The following CAPS2 variants were observed in gnomAD, a reference collection of about 807,000 sequenced individuals.
CAPS2 encodes calcyphosine 2, also known as calcyphosin-2.
A neutral mutation model predicts 86.5 loss-of-function variants in CAPS2; 98 were observed. The ratio of observed to expected loss-of-function variants is 1.13; its 90% CI spans 0.96 to 1.34. The LOEUF (loss-of-function observed/expected upper bound fraction) is 1.34. Ranked by LOEUF, CAPS2 falls within the 40% of genes most tolerant of loss-of-function variation. The pLI, the probability that CAPS2 is intolerant of heterozygous loss-of-function variation, is 0.00. For missense variants in CAPS2, 729 were observed against 686.8 expected (o/e 1.06, Z -0.69); for synonymous variants, 210 against 225.1 (o/e 0.93, Z 0.60).
rs1168283988 is a variant in CAPS2, at chr12:75,298,781, C to A, written c.951-1G>T. The A allele has an allele frequency of 1.9e-6, 3 of 1,611,662 alleles. No homozygotes were observed. Among genetic ancestry groups the A allele is most frequent in the South Asian group, 1.1e-5 (1 of 90,998 alleles). Reference sequence around the variant, plus strand: ...TTGAATAAAAGGAAGCACATTTGTTCTAGAAAGTAAATGAAAAAAAAATGG... The same window carrying A: ...TTGAATAAAAGGAAGCACATTTGTTATAGAAAGTAAATGAAAAAAAAATGG... On this transcript the variant is annotated splice_acceptor_variant, in intron 10 of 16. Transcript: ENST00000393284. LOFTEE classifies it high-confidence loss of function.
intron 1 of CAPS2, chr12:75,366,901 C>G (rs1249510126): frequency 1.4e-6 from 1 of 701,764 alleles, no homozygotes; most frequent in Admixed American, 2.0e-5. Context: ...TGTAGGGCCA[C>G]TGCATGTCAA....
In CAPS2 at chr12:75,366,856, T is replaced by C. The variant is rs1038949939; in HGVS notation, c.-395+23982A>G. ...AACAGCTCTATATGCATTTCTTGAA[T>C]GAGTCTTTTAAAACTAATTTTGTTG... On this transcript the variant is annotated intron_variant, in intron 1 of 5. Coordinates refer to the CAPS2 transcript ENST00000551829. The C allele has an allele frequency of 2.9e-5, 20 of 700,908 alleles. 1 individual carries two copies. Among genetic ancestry groups the C allele is most frequent in the Middle Eastern group, 2.5e-4 (1 of 4,050 alleles). The allele number at this position is 700,908 out of a possible 1,614,324, so 43.4% of individuals were successfully genotyped here.
intron 14 of CAPS2, among the ~76,000 whole-genome samples, 171 bp downstream of exon 14, chr12:75,289,450 G>A (rs1232502008): frequency 1.3e-5 from 2 of 152,194 alleles, no homozygotes; most frequent in Non-Finnish European, 2.9e-5. Flanking sequence ...ATAGGATGGA[G>A]CAATGTTTAA....
At position 75,323,163 on chromosome 12, in the gene CAPS2, T is replaced by C. The variant is rs1323899060; in HGVS notation, c.177+14A>G. Reference sequence around the variant, plus strand: ...TTTTAATGTTTATTATATTAAATACTAAATAAAAATTACCTCATCATCAGA... The same window carrying C: ...TTTTAATGTTTATTATATTAAATACCAAATAAAAATTACCTCATCATCAGA... On this transcript the variant is annotated intron_variant, in intron 3 of 16. Coordinates refer to ENST00000393284, the Ensembl canonical transcript of CAPS2. 2.0e-6 allele frequency: 3 copies of C among 1,521,358 alleles called. No homozygotes were observed. The allele number at this position is 1,521,358 out of a possible 1,614,324, so 94.2% of individuals were successfully genotyped here. A position where few individuals can be genotyped will look rare whatever the true frequency, so the allele number is the denominator to read the frequency against.
At chr12:75,338,802 C>A (rs572729210) in intron 1 of CAPS2, among the ~76,000 whole-genome samples, 1 of 151,310 alleles carries the variant, frequency 6.6e-6, no homozygotes, top group East Asian at 2.0e-4. Flanking sequence ...CCCCATGTGT[C>A]CATGTGTTCT....
At chr12:75,282,816 T>C (rs919412036) in intron 15 of CAPS2, among the ~76,000 whole-genome samples, 1 of 152,162 alleles carries the variant, frequency 6.6e-6, no homozygotes. Flanking sequence ...AGAACAATTA[T>C]AAATACAGGA....
intron 1 of CAPS2, among the ~76,000 whole-genome samples, chr12:75,380,340 G>A (rs2077874951): frequency 6.6e-6 from 1 of 152,074 alleles, no homozygotes; most frequent in Admixed American, 6.6e-5. Flanking sequence ...TGTACCAGGG[G>A]AAATAAATAA....
intron 14 of CAPS2, among the ~76,000 whole-genome samples, chr12:75,286,485 A>G (rs1429428129): frequency 6.6e-6 from 1 of 151,826 alleles, no homozygotes; most frequent in Admixed American, 6.6e-5. Flanking sequence ...AATTGTCAAC[A>G]ACAAGAAATA....
intron 11 of CAPS2, among the ~76,000 whole-genome samples, chr12:75,297,166 G>T (rs951316535): frequency 9.2e-5 from 14 of 151,862 alleles, no homozygotes; most frequent in African/African-American, 2.9e-4. Context: ...AAGAAATATG[G>T]AATGAGGATA....
At chr12:75,329,796 C>A, upstream of CAPS2, 1 of 1,520,362 alleles carries the variant, frequency 6.6e-7, no homozygotes, top group Non-Finnish European at 8.9e-7. Flanking sequence ...CCCCATCACT[C>A]CCCCTGCTCC....
At chr12:75,377,405 A>C (rs2044705875) in intron 1 of CAPS2, among the ~76,000 whole-genome samples, 1 of 152,174 alleles carries the variant, frequency 6.6e-6, no homozygotes, top group African/African-American at 2.4e-5. Context: ...GCCATCTGTA[A>C]GTTAAGAAGC....
intron 1 of CAPS2, among the ~76,000 whole-genome samples, chr12:75,362,115 T>TAACAGCA (rs1393839836): frequency 1.3e-5 from 2 of 151,900 alleles, no homozygotes; most frequent in Non-Finnish European, 2.9e-5. Flanking sequence ...ACAACAATAA[T>TAACAGCA]AACAGCAACA....
At chr12:75,355,699 T>G (rs996263963) in intron 1 of CAPS2, among the ~76,000 whole-genome samples, 2 of 152,172 alleles carry the variant, frequency 1.3e-5, no homozygotes, top group African/African-American at 4.8e-5. Context: ...GCAGCACTAT[T>G]TATAATAGCA....
rs369071008 is a variant in CAPS2, at chr12:75,345,266, T to C, written c.-394-22044A>G. ...CCAGGACAATTATACAGTTTCTATC[T>C]TTTTTTTTCTGCAAATCTCAGGGGT... On this transcript the variant is annotated intron_variant, in intron 1 of 5. Transcript: ENST00000551829. Among the ~76,000 whole-genome samples the C allele has an allele frequency of 7.3e-5, 11 of 151,686 alleles. No individual in the cohort carries two copies. In the East Asian group the frequency reaches 1.9e-3, roughly 27 times the overall value.
At chr12:75,292,525 C>G (rs1390629134) in intron 12 of CAPS2, among the ~76,000 whole-genome samples, 1 of 149,310 alleles carries the variant, frequency 6.7e-6, no homozygotes. Flanking sequence ...GATGAAGAAA[C>G]ACAGACTTCC....
intron 1 of CAPS2, chr12:75,390,389 GAGA>G (rs1288388684): frequency 5.5e-5 from 25 of 456,252 alleles, no homozygotes; most frequent in East Asian, 1.4e-4. Context: ...GTGCTGATGA[GAGA>G]AGAAGTAGAA....
At chr12:75,292,669 T>C (rs1015446710) in intron 12 of CAPS2, among the ~76,000 whole-genome samples, 24 of 147,272 alleles carry the variant, frequency 1.6e-4, no homozygotes, top group Non-Finnish European at 1.5e-5. Context: ...ATATATAATG[T>C]AATATAATCT....
rs575686639 is a variant in CAPS2, at chr12:75,298,794, G to GA, written c.951-15dup. 6.5e-3 allele frequency: 9,903 copies of GA among 1,526,918 alleles called. 27 individuals carry two copies. Among genetic ancestry groups the GA allele is most frequent in the Non-Finnish European group, 7.8e-3 (8,738 of 1,114,200 alleles). 94.6% of individuals were successfully genotyped at this position (1,526,918 alleles called of 1,614,324 possible). A position where few individuals can be genotyped will look rare whatever the true frequency, so the allele number is the denominator to read the frequency against. Reference sequence around the variant, plus strand: ...AGCACATTTGTTCTAGAAAGTAAATGAAAAAAAAATGGAAAGTTATTTAGC... The same window carrying GA: ...AGCACATTTGTTCTAGAAAGTAAATGAAAAAAAAAATGGAAAGTTATTTAGC... On this transcript the variant is annotated splice_polypyrimidine_tract_variant and intron_variant, in intron 10 of 16. Coordinates refer to ENST00000393284, the Ensembl canonical transcript of CAPS2.
At chr12:75,342,300 AG>A (rs1318476031) in intron 1 of CAPS2, among the ~76,000 whole-genome samples, 3 of 152,212 alleles carry the variant, frequency 2.0e-5, no homozygotes, top group Non-Finnish European at 4.4e-5. Context: ...AATCTTTAAA[AG>A]GTCTGTAGAT....
Sources: allele counts gnomAD v4.1 joint callset (sites outside exome capture counted in the v4.1 genomes callset), GRCh38; gene constraint gnomAD v4.1.1; transcripts MANE v1.5; gene names NCBI Gene and HGNC (gene_info 2026-07-23, HGNC 2026-07-21).